LGR5: variants seen among roughly 807,000 people sequenced by gnomAD.
LGR5 encodes leucine-rich repeat-containing G protein-coupled receptor 5.
Under a neutral mutation model 76.7 loss-of-function variants are expected in LGR5, and 54 were observed. That is an observed-to-expected ratio of 0.70 (90% CI 0.57 to 0.88). The LOEUF (loss-of-function observed/expected upper bound fraction) is 0.88. LGR5 is among the 40% of genes least tolerant of loss of function. LGR5 has a pLI of 0.00. For missense variants in LGR5, 1,078 were observed against 1,073.3 expected, an observed-to-expected ratio of 1.00 and a Z score of -0.06; for synonymous variants, 406 against 421.9, an observed-to-expected ratio of 0.96 and a Z score of 0.46.
intron 3 of LGR5, 100 bp downstream of exon 3, chr12:71,524,577 T>A (rs1875891298): frequency 1.4e-6 from 1 of 726,456 alleles, no homozygotes; most frequent in Non-Finnish European, 2.3e-6. Context: ...ACTATTTAAA[T>A]CCATGGGATA....
intron 1 of LGR5, among the ~76,000 whole-genome samples, chr12:71,465,433 T>G (rs1328596063): frequency 6.6e-6 from 1 of 152,206 alleles, no homozygotes; most frequent in Non-Finnish European, 1.5e-5. Context: ...CCTTTAACTT[T>G]CTAGTTAGTT....
chr12:71,554,572 T>G (rs1465420298), intron 5 of LGR5, among the ~76,000 whole-genome samples: 1 of 152,224 alleles, frequency 6.6e-6, no homozygotes, highest in African/African-American at 2.4e-5. Context: ...AGAAAAAGAC[T>G]GTTATCATTT....
intron 2 of LGR5, among the ~76,000 whole-genome samples, chr12:71,520,265 T>C (rs1021489123): frequency 2.6e-5 from 4 of 152,174 alleles, no homozygotes; most frequent in Non-Finnish European, 5.9e-5. Flanking sequence ...GGTTGGACAC[T>C]GAAAATATTA....
At chr12:71,549,739 T>C (rs937065084) in intron 4 of LGR5, among the ~76,000 whole-genome samples, 2 of 152,194 alleles carry the variant, frequency 1.3e-5, no homozygotes, top group African/African-American at 4.8e-5. Flanking sequence ...GAGCTTCTTA[T>C]ATGAAGAAAC....
intron 4 of LGR5, among the ~76,000 whole-genome samples, chr12:71,552,559 C>T (rs1877543505): frequency 7.5e-6 from 1 of 132,792 alleles, no homozygotes; most frequent in African/African-American, 3.3e-5. Context: ...GAGCGAGAGA[C>T]TTCGTCTCAA....
chr12:71,578,106 C>T, intron 14 of LGR5, 110 bp downstream of exon 14: 2 of 771,956 alleles, frequency 2.6e-6, no homozygotes, highest in Non-Finnish European at 4.4e-6. Context: ...AGATTACCTG[C>T]CTCTGTGTTC....
intron 4 of LGR5, among the ~76,000 whole-genome samples, chr12:71,537,288 C>T (rs1876644525): frequency 1.3e-5 from 2 of 151,702 alleles, no homozygotes; most frequent in Non-Finnish European, 2.9e-5. Flanking sequence ...GACACCCCCA[C>T]TGCCATCTCT....
chr12:71,504,481 A>G (rs758164594), intron 1 of LGR5, 133 bp from the exon 2 acceptor site: 57 of 765,542 alleles, frequency 7.4e-5, no homozygotes, highest in Admixed American at 1.7e-4. Flanking sequence ...TAAGATGTAG[A>G]ATAGCAATTC....
intron 2 of LGR5, among the ~76,000 whole-genome samples, chr12:71,508,571 T>C (rs1874977759): frequency 6.6e-6 from 1 of 151,908 alleles, no homozygotes; most frequent in South Asian, 2.1e-4. Context: ...CTGGCCAATA[T>C]GGTGAAACCC....
At chr12:71,491,922 C>T (rs1272726677) in intron 1 of LGR5, among the ~76,000 whole-genome samples, 1 of 150,954 alleles carries the variant, frequency 6.6e-6, no homozygotes, top group Non-Finnish European at 1.5e-5. Context: ...CATCCATTAG[C>T]TCTTTTAGCT....
At chr12:71,490,723 T>C (rs1236311793) in intron 1 of LGR5, among the ~76,000 whole-genome samples, 9 of 152,140 alleles carry the variant, frequency 5.9e-5, no homozygotes, top group Non-Finnish European at 1.5e-5. Context: ...TCGCTTTCTT[T>C]CCCTGTGTTC....
chr12:71,454,843 A>G (rs1408520627), intron 1 of LGR5, among the ~76,000 whole-genome samples: 1 of 120,222 alleles, frequency 8.3e-6, no homozygotes, highest in African/African-American at 4.1e-5. Context: ...AAAGAACAAG[A>G]AAAAAAAAAC....
In LGR5 at chr12:71,577,994, G is replaced by C. The variant is rs149599979; in HGVS notation, c.1278G>C (p.Lys426Asn). 18 of 1,607,468 alleles carry C rather than the reference G, an allele frequency of 1.1e-5. No homozygotes were observed. In the African/African-American group the frequency reaches 2.1e-4, roughly 19 times the overall value. ...TTTCCACTTTGCCATCCCTAATAAA[G>C]CTGTGAGTATTCCACAACTTGTTTA... ...NAFSTLPSLI[K>N]LDLSSNLLSS... Residue 426 changes from lysine to asparagine, a missense_variant and splice_region_variant, in exon 14 of 18, where the codon AAG (lysine) becomes AAC (asparagine). Lys to Asn is a moderately conservative substitution (Grantham distance 94, BLOSUM62 0). Transcript: ENST00000266674.
chr12:71,521,437 T>A (rs922278998), intron 2 of LGR5, among the ~76,000 whole-genome samples: 2 of 152,198 alleles, frequency 1.3e-5, no homozygotes, highest in African/African-American at 4.8e-5. Flanking sequence ...TGTTTTGCCT[T>A]CTGTGGAAGG....
At chr12:71,450,307 C>T (rs1414828963) in intron 1 of LGR5, among the ~76,000 whole-genome samples, 2 of 152,134 alleles carry the variant, frequency 1.3e-5, no homozygotes, top group African/African-American at 4.8e-5. Context: ...TAGATATATA[C>T]CTGAATTTTA....
chr12:71,558,497 G>C (rs1217286288), intron 6 of LGR5, among the ~76,000 whole-genome samples: 2 of 152,174 alleles, frequency 1.3e-5, no homozygotes, highest in African/African-American at 4.8e-5. Context: ...TAATTTATAA[G>C]GGTCCAATCC....
At chr12:71,529,837 T>A (rs569391701) in intron 3 of LGR5, among the ~76,000 whole-genome samples, 11 of 151,736 alleles carry the variant, frequency 7.2e-5, no homozygotes, top group Non-Finnish European at 1.5e-4. Flanking sequence ...ACCCCTGTAA[T>A]CCCAGCTACT....
intron 3 of LGR5, among the ~76,000 whole-genome samples, chr12:71,532,083 C>T (rs1257770378): frequency 2.6e-5 from 4 of 152,026 alleles, no homozygotes; most frequent in African/African-American, 7.2e-5. Flanking sequence ...CAATACATAC[C>T]TTGTACCAGT....
At position 71,440,148 on chromosome 12, in the gene LGR5, G is replaced by C. The variant is rs750279449; in HGVS notation, c.68G>C (p.Ser23Thr). 6.2e-7 allele frequency: 1 copy of C among 1,610,368 alleles called. No homozygotes were observed. The highest frequency in any genetic ancestry group is 8.5e-7 in the Non-Finnish European group (1 of 1,179,766). ...PVLLQLATGG[S>T]SPRSGVLLRG... ...CTGCTGCAGCTGGCGACCGGGGGCA[G>C]CTCTCCCAGGTCTGGTGTGTTGCTG... is the stretch of plus-strand genomic sequence containing the variant. The change falls in exon 1 of 18, where the codon AGC becomes ACC. Residue 23 changes from serine (S) to threonine (T), a missense_variant. By Grantham distance (58) the Ser-to-Thr change is moderately conservative (BLOSUM62 1). Coordinates refer to ENST00000266674, the MANE Select transcript of LGR5 (RefSeq NM_003667.4). The surrounding 1 kb of genome is among the most constrained non-coding windows in gnomAD (Gnocchi z 5.3).
Sources: allele counts gnomAD v4.1 joint callset (sites outside exome capture counted in the v4.1 genomes callset), GRCh38; gene constraint gnomAD v4.1.1; non-coding constraint Gnocchi (gnomAD v3.1); transcripts MANE v1.5; gene names NCBI Gene and HGNC (gene_info 2026-07-23, HGNC 2026-07-21).